The following CALN1 variants were observed in gnomAD, a reference collection of about 807,000 sequenced individuals.
CALN1 encodes calcium-binding protein 8.
A neutral mutation model predicts 30.6 loss-of-function variants in CALN1; 17 were observed. The observed-to-expected ratio is 0.56, with a 90% CI of 0.38 to 0.83. The LOEUF (loss-of-function observed/expected upper bound fraction) is 0.83, where lower values mean the gene tolerates loss of function less well. Among genes scored for constraint, CALN1 ranks in the 40% least tolerant of loss-of-function variants. CALN1 has a pLI of 0.00. For synonymous variants in CALN1, 156 were observed against 131.4 expected (o/e 1.19, Z -1.28); for missense variants, 291 against 354.9 (o/e 0.82, Z 1.45).
At chr7:72,379,742 T>C (rs1804778729) in intron 2 of CALN1, among the ~76,000 whole-genome samples, 1 of 152,242 alleles carries the variant, frequency 6.6e-6, no homozygotes, top group African/African-American at 2.4e-5. Context: ...CAGTCATGTT[T>C]TAGCATTCTA....
chr7:72,340,889 T>C (rs1412815027), intron 2 of CALN1, among the ~76,000 whole-genome samples: 1 of 152,168 alleles, frequency 6.6e-6, no homozygotes, highest in African/African-American at 2.4e-5. Context: ...CTCTCTCTCA[T>C]CTGCTGCCAT....
At chr7:72,225,933 TA>T (rs1383659915) in intron 3 of CALN1, among the ~76,000 whole-genome samples, 1 of 151,830 alleles carries the variant, frequency 6.6e-6, no homozygotes, top group African/African-American at 2.4e-5. Context: ...CCGTCTCTAC[TA>T]AAAATACAAA....
At chr7:72,198,125 C>G (rs981803156) in intron 3 of CALN1, among the ~76,000 whole-genome samples, 1 of 152,218 alleles carries the variant, frequency 6.6e-6, no homozygotes, top group African/African-American at 2.4e-5. Flanking sequence ...AACAGAATGG[C>G]CTTCTCAATA....
intron 5 of CALN1, among the ~76,000 whole-genome samples, chr7:71,984,389 A>G (rs779935886): frequency 3.9e-5 from 6 of 152,232 alleles, no homozygotes; most frequent in Non-Finnish European, 7.3e-5. Context: ...CTCATGAAAT[A>G]AACGGTAATT....
intron 3 of CALN1, among the ~76,000 whole-genome samples, chr7:72,190,499 C>T (rs1243966327): frequency 6.6e-6 from 1 of 152,190 alleles, no homozygotes; most frequent in Non-Finnish European, 1.5e-5. Flanking sequence ...CCTGGCACAT[C>T]TATTCACATT....
At chr7:72,021,717 C>T (rs1800719443) in intron 5 of CALN1, among the ~76,000 whole-genome samples, 1 of 152,172 alleles carries the variant, frequency 6.6e-6, no homozygotes, top group South Asian at 2.1e-4. Context: ...CTTTTATGCA[C>T]CTTCCCTCGG....
rs1202113441 is a variant in CALN1, at chr7:72,385,195, TG to T, written c.119+18055del. ...GAAGCAACAAGAACTTTCTTGATGA[TG>T]GGAATATAAAATGGTATAGTCACTT... is the stretch of plus-strand genomic sequence containing the variant. On this transcript the variant is annotated intron_variant, in intron 2 of 6. Coordinates refer to ENST00000395275, the MANE Select transcript of CALN1 (RefSeq NM_031468.4). Among the ~76,000 whole-genome samples, 3 of 152,212 alleles carry T rather than the reference TG, an allele frequency of 2.0e-5. No homozygotes were observed. In the East Asian group the frequency reaches 5.8e-4, roughly 29 times the overall value.
chr7:72,432,332 C>A (rs766385510), intron 1 of CALN1, among the ~76,000 whole-genome samples: 14 of 152,184 alleles, frequency 9.2e-5, no homozygotes, highest in Non-Finnish European at 1.3e-4. Flanking sequence ...GTCCATTAAA[C>A]CTCTTTTTCT....
At chr7:71,887,293 T>C (rs141053606) in intron 5 of CALN1, among the ~76,000 whole-genome samples, 1 of 152,118 alleles carries the variant, frequency 6.6e-6, no homozygotes, top group Non-Finnish European at 1.5e-5. Context: ...GGCAAGTCCA[T>C]AATTATGCTT....
intron 4 of CALN1, among the ~76,000 whole-genome samples, chr7:72,034,735 C>T (rs1801681933): frequency 3.0e-5 from 4 of 135,514 alleles, no homozygotes; most frequent in African/African-American, 1.1e-4. Flanking sequence ...TTGTGGTGAG[C>T]TGTGATCATG....
At chr7:72,424,785 T>C (rs1344669985) in intron 1 of CALN1, among the ~76,000 whole-genome samples, 1 of 151,952 alleles carries the variant, frequency 6.6e-6, no homozygotes, top group Non-Finnish European at 1.5e-5. Flanking sequence ...TTTGTAGGGA[T>C]GGGATTTTGC....
intron 5 of CALN1, among the ~76,000 whole-genome samples, chr7:71,883,808 T>G (rs1348711779): frequency 6.6e-6 from 1 of 152,202 alleles, no homozygotes; most frequent in Admixed American, 6.5e-5. Flanking sequence ...GGTATTGGCA[T>G]GAGATTTACC....
chr7:72,355,807 G>T (rs1398992702), intron 2 of CALN1, among the ~76,000 whole-genome samples: 1 of 152,126 alleles, frequency 6.6e-6, no homozygotes, highest in African/African-American at 2.4e-5. Context: ...GAGTACAAGG[G>T]CACAGTTTAG....
chr7:71,911,396 C>G (rs577458978), intron 5 of CALN1, among the ~76,000 whole-genome samples: 1 of 152,160 alleles, frequency 6.6e-6, no homozygotes, highest in Non-Finnish European at 1.5e-5. Flanking sequence ...CAAGGAACCA[C>G]GCTCGGTACT....
chr7:72,042,716 C>T (rs759438657), intron 4 of CALN1, among the ~76,000 whole-genome samples: 3 of 151,964 alleles, frequency 2.0e-5, no homozygotes, highest in Non-Finnish European at 4.4e-5. Flanking sequence ...AGCCTGGGCA[C>T]CAGAGTGAGA....
intron 6 of CALN1, among the ~76,000 whole-genome samples, chr7:71,798,061 C>CAGAGAGAGAG (rs147120862): frequency 8.6e-6 from 1 of 116,878 alleles, no homozygotes; most frequent in Non-Finnish European, 1.7e-5. Context: ...GAGAGAGAGA[C>CAGAGAGAGAG]AGAGAGAGAG....
intron 2 of CALN1, among the ~76,000 whole-genome samples, chr7:72,296,080 T>C (rs1421708421): frequency 6.6e-6 from 1 of 152,180 alleles, no homozygotes; most frequent in Non-Finnish European, 1.5e-5. Context: ...TGAAGGTTGT[T>C]GAATTTTGTC....
chr7:71,784,352 C>G lies in CALN1; in HGVS notation c.*3423G>C, dbSNP rs904668779. 6.5e-6 allele frequency: 1 copy of G among 153,198 alleles called. No individual in the cohort carries two copies. The highest frequency in any genetic ancestry group is 2.4e-5 in the African/African-American group (1 of 41,478). The allele number at this position is 153,198 out of a possible 1,614,324, so 9.5% of individuals were successfully genotyped here. ...TGCACTCAGGCTGAATTGGAGTGTT[C>G]TTTAAGAAAATGTTCCCTATTTTTG... is the stretch of plus-strand genomic sequence containing the variant. On this transcript the variant is annotated 3_prime_UTR_variant, in exon 7 of 7. Transcript: ENST00000395275.
chr7:72,400,281 G>A (rs1284346973), intron 2 of CALN1, among the ~76,000 whole-genome samples: 2 of 152,100 alleles, frequency 1.3e-5, no homozygotes, highest in South Asian at 2.1e-4. Context: ...ATCTGGAGTG[G>A]ACAGCAATGA....
Sources: allele counts gnomAD v4.1 joint callset (sites outside exome capture counted in the v4.1 genomes callset), GRCh38; gene constraint gnomAD v4.1.1; transcripts MANE v1.5; gene names NCBI Gene and HGNC (gene_info 2026-07-23, HGNC 2026-07-21).